Variants in NIPSNAP2 observed in about 807,000 individuals in gnomAD.
NIPSNAP2 encodes the protein protein NipSnap homolog 2.
In NIPSNAP2, 42 loss-of-function variants were observed where a neutral mutation model predicts 48.4. The ratio of observed to expected loss-of-function variants is 0.87; its 90% CI spans 0.68 to 1.12. The LOEUF is 1.12. Ranked by LOEUF, NIPSNAP2 falls within the 50% of genes most tolerant of loss-of-function variation. NIPSNAP2 has a pLI of 0.00. For synonymous variants in NIPSNAP2, 158 were observed against 126.6 expected, an observed-to-expected ratio of 1.25 and a Z score of -1.67; for missense variants, 314 against 347.3, an observed-to-expected ratio of 0.90 and a Z score of 0.76.
intron 1 of NIPSNAP2, chr7:55,965,088 G>C (rs943508585): frequency 5.9e-5 from 9 of 153,106 alleles, no homozygotes; most frequent in African/African-American, 2.2e-4. Context: ...GGTCCTCGCC[G>C]GAGGCTGTTC....
intron 7 of NIPSNAP2, among the ~76,000 whole-genome samples, chr7:55,991,410 G>C (rs181594985): frequency 1.4e-4 from 22 of 152,022 alleles, no homozygotes; most frequent in African/African-American, 5.1e-4. Flanking sequence ...AGACTCGCTC[G>C]CCGTGGAATC....
intron 1 of NIPSNAP2, among the ~76,000 whole-genome samples, chr7:55,976,731 T>A (rs935159004): frequency 4.6e-5 from 7 of 151,872 alleles, no homozygotes; most frequent in East Asian, 1.9e-4. Context: ...ACAAAAAATT[T>A]AAAAAAATTA....
In NIPSNAP2 at chr7:55,978,342, T is replaced by C. The variant is rs1939492132; in HGVS notation, c.233-8T>C. The C allele has an allele frequency of 1.9e-6, 3 of 1,613,460 alleles. No individual in the cohort carries two copies. The African/African-American group carries it at 4.0e-5, about 22-fold the overall frequency. On this transcript the variant is annotated splice_region_variant and splice_polypyrimidine_tract_variant and intron_variant, in intron 2 of 9. Transcript: ENST00000322090. ...CTAAGTTTATCGTTGAATTTTCTTT[T>C]GTTTCAGTTCACAATGTTAAACCGG... is the stretch of plus-strand genomic sequence containing the variant.
chr7:55,986,996 A>AC (rs1258740570), intron 7 of NIPSNAP2, among the ~76,000 whole-genome samples: 3 of 149,184 alleles, frequency 2.0e-5, no homozygotes, highest in East Asian at 4.0e-4. Context: ...AAAAAAAAAA[A>AC]AAAAAAAAAA....
At chr7:55,983,899 A>T in intron 6 of NIPSNAP2, 31 bp downstream of exon 6, 2 of 1,598,794 alleles carry the variant, frequency 1.3e-6, no homozygotes, top group Non-Finnish European at 8.5e-7. Flanking sequence ...TATTCCTTTT[A>T]CTCCTCTGTG....
rs541689221 is a variant in NIPSNAP2, at chr7:55,994,946, T to G, written c.670T>G (p.Phe224Val). Reference sequence around the variant, plus strand: ...TGGTAACGAAGCCGTCGGAGGATTCTTCTCTCAGATTGGGCAGCTGTACAT... The same window carrying G: ...TGGTAACGAAGCCGTCGGAGGATTCGTCTCTCAGATTGGGCAGCTGTACAT... ...QDGNEAVGGF[F>V]SQIGQLYMVH... The change falls in exon 8 of 10, where the codon TTC (phenylalanine) becomes GTC (valine). Residue 224 changes from phenylalanine (F) to valine (V), a missense_variant. By Grantham distance (50) the Phe-to-Val change is conservative (BLOSUM62 -1). Transcript: ENST00000322090. 1 of 1,614,096 alleles carries G rather than the reference T, an allele frequency of 6.2e-7. No homozygotes were observed. Among genetic ancestry groups the G allele is most frequent in the Non-Finnish European group, 8.5e-7 (1 of 1,180,050 alleles).
At chr7:55,978,550 T>C in intron 3 of NIPSNAP2, 155 bp downstream of exon 3, 1 of 698,612 alleles carries the variant, frequency 1.4e-6, no homozygotes, top group Non-Finnish European at 2.3e-6. Flanking sequence ...CATGTGGGAT[T>C]GCCGAAGGCG....
intron 1 of NIPSNAP2, among the ~76,000 whole-genome samples, chr7:55,970,803 C>G (rs1787002094): frequency 6.6e-6 from 1 of 152,114 alleles, no homozygotes; most frequent in African/African-American, 2.4e-5. Context: ...GGAATTAGCA[C>G]CTGCCTTCTC....
At chr7:55,993,439 CGTG>C (rs1314634059) in intron 7 of NIPSNAP2, among the ~76,000 whole-genome samples, 8 of 151,870 alleles carry the variant, frequency 5.3e-5, no homozygotes, top group Admixed American at 3.3e-4. Context: ...ATTAGCCAGA[CGTG>C]GTGGTGGGCG....
intron 1 of NIPSNAP2, among the ~76,000 whole-genome samples, chr7:55,977,406 T>C (rs1480805969): frequency 1.3e-5 from 2 of 152,290 alleles, no homozygotes; most frequent in East Asian, 3.9e-4. Context: ...AAATTTTTTT[T>C]TGATTTTTAA....
At chr7:55,989,378 A>G (rs1370156734) in intron 7 of NIPSNAP2, among the ~76,000 whole-genome samples, 1 of 152,130 alleles carries the variant, frequency 6.6e-6, no homozygotes, top group Non-Finnish European at 1.5e-5. Context: ...TAATTCCAAC[A>G]CTTCGGGCGG....
intron 8 of NIPSNAP2, among the ~76,000 whole-genome samples, chr7:55,995,482 C>A (rs762889113): frequency 2.6e-5 from 4 of 152,192 alleles, no homozygotes; most frequent in Non-Finnish European, 5.9e-5. Flanking sequence ...TTTTTCCAGG[C>A]CTGCCCCAGA....
At chr7:55,994,838 T>G in intron 7 of NIPSNAP2, 56 bp from the exon 8 acceptor site, 2 of 1,434,068 alleles carry the variant, frequency 1.4e-6, no homozygotes, top group South Asian at 1.1e-5. Flanking sequence ...AGTCTACCGA[T>G]TCTCGTTAGC....
chr7:55,995,162 C>CT (rs1787535559), intron 8 of NIPSNAP2, among the ~76,000 whole-genome samples, 174 bp downstream of exon 8: 2 of 152,086 alleles, frequency 1.3e-5, no homozygotes, highest in Non-Finnish European at 2.9e-5. Context: ...AGTGAAAGTC[C>CT]ATAGATTGAT....
rs1157526080 is a variant in NIPSNAP2 at position 55,983,744 on chromosome 7, G to T, written c.461G>T (p.Arg154Leu). ...LRENKEFLEFRKARSDMLLSR... is the reference protein window; with the variant it reads ...LRENKEFLEFLKARSDMLLSR... Reference sequence around the variant, plus strand: ...CACTCAAAGGAATTTTTGGAATTTCGTAAGGCAAGAAGTGACATGCTTCTC... The same window carrying T: ...CACTCAAAGGAATTTTTGGAATTTCTTAAGGCAAGAAGTGACATGCTTCTC... The change falls in exon 6 of 10, where the codon CGT (arginine) becomes CTT (leucine). Residue 154 changes from arginine to leucine, a missense_variant. By Grantham distance (102) the Arg-to-Leu change is moderately radical. Coordinates refer to ENST00000322090, the MANE Select transcript of NIPSNAP2 (RefSeq NM_001483.3). 1 of 1,612,970 alleles carries T rather than the reference G, an allele frequency of 6.2e-7. No individual in the cohort carries two copies.
In NIPSNAP2 at chr7:55,978,107, C is replaced by A. The variant is rs904139609; in HGVS notation, c.93-19C>A. On this transcript the variant is annotated intron_variant, in intron 1 of 9. Transcript: ENST00000322090. ...ATGAAAACAGTATACTGCGTGACAA[C>A]ACCTTTGTTATTCCATAGGACATGG... 3 of 1,613,722 alleles carry A rather than the reference C, an allele frequency of 1.9e-6. No homozygotes were observed. Among genetic ancestry groups the A allele is most frequent in the Non-Finnish European group, 2.5e-6 (3 of 1,179,822 alleles).
Position 55,982,344 on chromosome 7 carries a change from G to T in NIPSNAP2, c.444+64G>T, listed in dbSNP as rs1359159647. ...TATAGATGTTAGTACAGAATTAAAT[G>T]ACTTTTCTGTCTTCAGTTTTTGTTA... On this transcript the variant is annotated intron_variant, in intron 5 of 9. Transcript: ENST00000322090. 5.2e-6 allele frequency: 5 copies of T among 965,718 alleles called. No individual in the cohort carries two copies. The East Asian group carries it at 1.1e-4, about 20-fold the overall frequency. The allele number at this position is 965,718 out of a possible 1,614,324, so 59.8% of individuals were successfully genotyped here. A position where few individuals can be genotyped will look rare whatever the true frequency, so the allele number is the denominator to read the frequency against.
At chr7:55,984,287 A>G (rs1223707093) in intron 6 of NIPSNAP2, among the ~76,000 whole-genome samples, 1 of 152,206 alleles carries the variant, frequency 6.6e-6, no homozygotes, top group African/African-American at 2.4e-5. Flanking sequence ...AGAAAGCCCC[A>G]CATAGCAGCA....
intron 7 of NIPSNAP2, among the ~76,000 whole-genome samples, chr7:55,989,845 G>T (rs1038994652): frequency 1.3e-5 from 2 of 151,666 alleles, no homozygotes; most frequent in Admixed American, 1.3e-4. Flanking sequence ...GGTGGCTCAC[G>T]CCTGTAATCC....
Sources: allele counts gnomAD v4.1 joint callset (sites outside exome capture counted in the v4.1 genomes callset), GRCh38; gene constraint gnomAD v4.1.1; transcripts MANE v1.5; gene names NCBI Gene and HGNC (gene_info 2026-07-23, HGNC 2026-07-21).